Variants in ZFYVE9 observed in about 807,000 individuals in gnomAD.
ZFYVE9 encodes the protein zinc finger FYVE-type containing 9, also known as zinc finger FYVE domain-containing protein 9.
ZFYVE9 carries 43 observed loss-of-function variants against 126.7 expected under a neutral mutation model. The ratio of observed to expected loss-of-function variants is 0.34; its 90% CI spans 0.27 to 0.44. The LOEUF is 0.44. Ranked by LOEUF, ZFYVE9 falls within the 20% of genes least tolerant of loss-of-function variation. The pLI, the probability that ZFYVE9 is intolerant of heterozygous loss-of-function variation, is 1.00. For missense variants in ZFYVE9, 1,476 were observed against 1,697.0 expected (o/e 0.87, Z 2.29); for synonymous variants, 521 against 597.4 (o/e 0.87, Z 1.87).
intron 4 of ZFYVE9, among the ~76,000 whole-genome samples, chr1:52,242,086 G>A (rs567155621): frequency 3.3e-4 from 46 of 140,826 alleles, no homozygotes; most frequent in African/African-American, 6.4e-4. Flanking sequence ...AGGCTGGAGT[G>A]TATGGCGTGA....
chr1:52,175,633 C>T (rs1045669309), intron 1 of ZFYVE9, among the ~76,000 whole-genome samples: 1 of 152,028 alleles, frequency 6.6e-6, no homozygotes, highest in African/African-American at 2.4e-5. Flanking sequence ...CCGTCACTTT[C>T]AGGTACACCA....
In ZFYVE9 at chr1:52,346,562, A is replaced by G. The variant is rs768372333; in HGVS notation, c.*341A>G. The G allele has an allele frequency of 2.4e-6, 1 of 408,546 alleles. No homozygotes were observed. The highest frequency in any genetic ancestry group is 4.3e-6 in the Non-Finnish European group (1 of 231,262). The allele number at this position is 408,546 out of a possible 1,614,324, so 25.3% of individuals were successfully genotyped here. ...ATTTACTTATGGTCATGTGCTCAGA[A>G]ATGCTCAAATGGGTACAACCATCAC... On this transcript the variant is annotated 3_prime_UTR_variant, in exon 19 of 19. Transcript: ENST00000287727.
intron 17 of ZFYVE9, among the ~76,000 whole-genome samples, chr1:52,343,437 C>G (rs1317285805): frequency 6.7e-6 from 1 of 149,616 alleles, no homozygotes; most frequent in Non-Finnish European, 1.5e-5. Flanking sequence ...TAGAGCGAGA[C>G]TCCATCTCAA....
chr1:52,222,480 C>T (rs1032646671), intron 2 of ZFYVE9, among the ~76,000 whole-genome samples: 1 of 152,206 alleles, frequency 6.6e-6, no homozygotes, highest in African/African-American at 2.4e-5. Flanking sequence ...TTGGGAACAA[C>T]AGGGTGGGCG....
At chr1:52,338,122 A>G (rs902216006) in intron 16 of ZFYVE9, among the ~76,000 whole-genome samples, 188 bp downstream of exon 16, 1 of 152,188 alleles carries the variant, frequency 6.6e-6, no homozygotes, top group African/African-American at 2.4e-5. Flanking sequence ...GAGTTTCTGT[A>G]TGTATTTTTG....
chr1:52,322,958 C>T (rs1452416953), intron 13 of ZFYVE9, among the ~76,000 whole-genome samples: 21 of 152,084 alleles, frequency 1.4e-4, no homozygotes, highest in Admixed American at 1.4e-3. Flanking sequence ...GCGCCTGCCA[C>T]CGCGCCCAGC....
chr1:52,285,904 C>A (rs1210182484), intron 10 of ZFYVE9, among the ~76,000 whole-genome samples: 1 of 152,100 alleles, frequency 6.6e-6, no homozygotes, highest in Non-Finnish European at 1.5e-5. Context: ...CCTGTAATCC[C>A]AGCACTTTGG....
intron 13 of ZFYVE9, among the ~76,000 whole-genome samples, chr1:52,318,292 A>G (rs937642899): frequency 3.3e-5 from 5 of 152,014 alleles, no homozygotes; most frequent in African/African-American, 9.7e-5. Context: ...AACAGGATGA[A>G]AAAGGAAAAC....
chr1:52,340,197 A>G lies in ZFYVE9; in HGVS notation c.3905A>G (p.Tyr1302Cys), dbSNP rs1463236312. Residue 1302 changes from tyrosine to cysteine, a missense_variant, in exon 17 of 19, where the codon TAT becomes TGT. By Grantham distance (194) the Tyr-to-Cys change is radical (BLOSUM62 -2). Transcript: ENST00000287727. Reference sequence around the variant, plus strand: ...GTGAAGATATTCCATGGATCAGAATATAAAGCAAATGGAAAAGTAATCAGA... The same window carrying G: ...GTGAAGATATTCCATGGATCAGAATGTAAAGCAAATGGAAAAGTAATCAGA... Reference protein sequence around the residue: ...TNVKIFHGSEYKANGKVIRWT... With the variant: ...TNVKIFHGSECKANGKVIRWT... 2.5e-6 allele frequency: 4 copies of G among 1,613,952 alleles called. No homozygotes were observed. The highest frequency in any genetic ancestry group is 1.7e-5 in the Admixed American group (1 of 60,026).
intron 2 of ZFYVE9, among the ~76,000 whole-genome samples, chr1:52,220,235 G>T (rs191408587): frequency 5.2e-4 from 79 of 152,310 alleles, no homozygotes; most frequent in African/African-American, 1.7e-3. Context: ...ATGCCAGGGA[G>T]TATGATATTC....
rs540975719 is a variant in ZFYVE9, at chr1:52,296,194, C to CAT, written c.3333+226_3333+227dup. ...ATATGTATACACACACACACACACA[C>CAT]ATATATATATTCTTTTGCAAACATG... On this transcript the variant is annotated intron_variant, in intron 12 of 18. Coordinates refer to ENST00000287727, the MANE Select transcript of ZFYVE9 (RefSeq NM_004799.4). Among the ~76,000 whole-genome samples, 621 of 150,936 alleles carry CAT rather than the reference C, an allele frequency of 4.1e-3. 2 individuals are homozygous for CAT. The highest frequency in any genetic ancestry group is 0.012 in the African/African-American group (487 of 40,834).
intron 1 of ZFYVE9, among the ~76,000 whole-genome samples, chr1:52,159,240 AC>A (rs1644432843): frequency 1.3e-5 from 2 of 152,162 alleles, no homozygotes; most frequent in South Asian, 4.1e-4. Flanking sequence ...TGCCTCACAT[AC>A]CACCTGGGAT....
chr1:52,252,789 C>T, intron 4 of ZFYVE9: 1 of 402,892 alleles, frequency 2.5e-6, no homozygotes, highest in Non-Finnish European at 5.1e-6. Context: ...GGCTCCCCTA[C>T]TGCACCAGGA....
At chr1:52,256,531 C>T (rs947157378) in intron 4 of ZFYVE9, among the ~76,000 whole-genome samples, 4 of 152,188 alleles carry the variant, frequency 2.6e-5, no homozygotes, top group African/African-American at 7.2e-5. Flanking sequence ...GCATGTGCCA[C>T]CACGCTCAGC....
intron 6 of ZFYVE9, among the ~76,000 whole-genome samples, chr1:52,267,858 A>G (rs947117716): frequency 6.6e-6 from 1 of 152,240 alleles, no homozygotes; most frequent in Non-Finnish European, 1.5e-5. Context: ...TCTTTTTACT[A>G]AAACACAAAT....
chr1:52,203,645 G>T (rs1364115056), intron 1 of ZFYVE9, among the ~76,000 whole-genome samples: 1 of 151,460 alleles, frequency 6.6e-6, no homozygotes, highest in Non-Finnish European at 1.5e-5. Context: ...AGTCATTTTA[G>T]TTACAAGTAT....
intron 2 of ZFYVE9, among the ~76,000 whole-genome samples, chr1:52,229,160 G>A (rs955573947): frequency 3.9e-5 from 6 of 152,102 alleles, no homozygotes; most frequent in African/African-American, 1.2e-4. Context: ...GAGCCACTGC[G>A]CCTAGCCACA....
intron 4 of ZFYVE9, among the ~76,000 whole-genome samples, chr1:52,242,592 A>G (rs1645345637): frequency 6.6e-6 from 1 of 151,884 alleles, no homozygotes; most frequent in Non-Finnish European, 1.5e-5. Flanking sequence ...ATGGTATCAA[A>G]TTTAGATATA....
At chr1:52,204,715 A>G (rs1335645981) in intron 1 of ZFYVE9, among the ~76,000 whole-genome samples, 1 of 152,112 alleles carries the variant, frequency 6.6e-6, no homozygotes, top group Non-Finnish European at 1.5e-5. Flanking sequence ...CAACAGAGCG[A>G]GACCCTGTCT....
Sources: gnomAD v4.1 joint callset for allele counts (sites outside exome capture counted in the v4.1 genomes callset) on GRCh38, gnomAD v4.1.1 for gene constraint, MANE v1.5 for transcripts, NCBI Gene and HGNC (gene_info 2026-07-23, HGNC 2026-07-21) for gene names.